The following TANC2 variants were observed in gnomAD, a reference collection of about 807,000 sequenced individuals.
TANC2 encodes protein TANC2.
A neutral mutation model predicts 210.5 loss-of-function variants in TANC2; 26 were observed. The ratio of observed to expected loss-of-function variants is 0.12; its 90% confidence interval spans 0.09 to 0.17. The LOEUF (loss-of-function observed/expected upper bound fraction) is 0.17. Among genes scored for constraint, TANC2 ranks in the 10% least tolerant of loss-of-function variants. The probability of loss-of-function intolerance (pLI) is 1.00; values close to 1 mark genes in which losing one functional copy is unlikely to be tolerated. For synonymous variants in TANC2, 931 were observed against 967.1 expected (o/e 0.96, Z 0.69); for missense variants, 2,129 against 2,608.9 (o/e 0.82, Z 4.01).
intron 5 of TANC2, among the ~76,000 whole-genome samples, chr17:63,170,527 C>A (rs1381412731): frequency 6.6e-6 from 1 of 151,906 alleles, no homozygotes. Context: ...AAGTCCCTGC[C>A]ATTATTTCCT....
At chr17:63,206,210 G>A (rs1220608584) in intron 7 of TANC2, among the ~76,000 whole-genome samples, 3 of 152,196 alleles carry the variant, frequency 2.0e-5, no homozygotes, top group Admixed American at 6.5e-5. Context: ...AACAAGTGTT[G>A]GCAAGGACGT....
chr17:63,335,757 G>A (rs981746317), intron 11 of TANC2, among the ~76,000 whole-genome samples: 1 of 152,004 alleles, frequency 6.6e-6, no homozygotes, highest in Non-Finnish European at 1.5e-5. Context: ...TGGAAAAACT[G>A]TAAAATTTGA....
chr17:63,345,355 C>T (rs193067414), intron 12 of TANC2, among the ~76,000 whole-genome samples: 1 of 152,264 alleles, frequency 6.6e-6, no homozygotes, highest in Admixed American at 6.5e-5. Context: ...TGCAGTGGCT[C>T]ACGCCTGTAA....
At chr17:63,097,429 A>G (rs1202629800) in intron 3 of TANC2, among the ~76,000 whole-genome samples, 3 of 152,050 alleles carry the variant, frequency 2.0e-5, no homozygotes, top group Non-Finnish European at 2.9e-5. Context: ...AAGTAATGGC[A>G]AAAAACTGCA....
At chr17:63,379,919 C>CTGAA in intron 15 of TANC2, 93 bp downstream of exon 15, 1 of 1,106,006 alleles carries the variant, frequency 9.0e-7, no homozygotes, top group African/African-American at 1.6e-5. Flanking sequence ...TCCCTGCCTT[C>CTGAA]TGAAGTTCTT....
Position 63,360,405 on chromosome 17 carries a change from C to T in TANC2, c.2582+5015C>T, listed in dbSNP as rs138341263. 8.7e-4 allele frequency among the ~76,000 whole-genome samples: 132 copies of T among 152,204 alleles called. 1 individual carries two copies. Among genetic ancestry groups the T allele is most frequent in the African/African-American group, 2.6e-3 (107 of 41,502 alleles). Reference sequence around the variant, plus strand: ...AGGGCCTCTTAGAACTAAATCAACCCTTAGGAGGCTTGGAAGAGTTAAAGC... The same window carrying T: ...AGGGCCTCTTAGAACTAAATCAACCTTTAGGAGGCTTGGAAGAGTTAAAGC... On this transcript the variant is annotated intron_variant, in intron 14 of 27. Coordinates refer to ENST00000689528, the Ensembl canonical transcript of TANC2.
chr17:63,061,884 C>T (rs1187342116), intron 2 of TANC2, among the ~76,000 whole-genome samples: 7 of 151,882 alleles, frequency 4.6e-5, no homozygotes, highest in African/African-American at 1.5e-4. Flanking sequence ...TTTGATCTTG[C>T]GTTTCTTCTA....
At chr17:63,117,962 A>G (rs915053743) in intron 4 of TANC2, among the ~76,000 whole-genome samples, 2 of 152,286 alleles carry the variant, frequency 1.3e-5, no homozygotes, top group Non-Finnish European at 2.9e-5. Context: ...ATATGCATAT[A>G]TGAACCTTTT....
At chr17:63,283,229 T>G (rs1220176702) in intron 9 of TANC2, among the ~76,000 whole-genome samples, 1 of 151,980 alleles carries the variant, frequency 6.6e-6, no homozygotes, top group African/African-American at 2.4e-5. Flanking sequence ...GTAAAGACTA[T>G]TCATCTACTG....
intron 15 of TANC2, chr17:63,387,952 A>C (rs1046565577): frequency 6.6e-6 from 1 of 152,080 alleles, no homozygotes; most frequent in African/African-American, 2.4e-5. Context: ...AAACCTGCAA[A>C]ATCTCAATGA....
intron 4 of TANC2, among the ~76,000 whole-genome samples, chr17:63,107,096 T>C (rs2037856059): frequency 6.6e-6 from 1 of 151,586 alleles, no homozygotes; most frequent in African/African-American, 2.4e-5. Flanking sequence ...GTTAGATGAT[T>C]TGCAAGGTTA....
intron 4 of TANC2, among the ~76,000 whole-genome samples, chr17:63,108,876 G>C (rs2037926352): frequency 6.6e-6 from 1 of 150,950 alleles, no homozygotes; most frequent in Non-Finnish European, 1.5e-5. Flanking sequence ...TGGCCATAAA[G>C]AAATCTCTGT....
At chr17:63,066,499 G>T (rs976021678) in intron 2 of TANC2, among the ~76,000 whole-genome samples, 7 of 152,200 alleles carry the variant, frequency 4.6e-5, no homozygotes, top group Non-Finnish European at 7.4e-5. Context: ...GGCACAAAAA[G>T]AGATATCTAC....
exon 25 of TANC2, chr17:63,413,621 A>T (rs752345323): frequency 1.9e-6 from 3 of 1,597,966 alleles, no homozygotes; most frequent in Non-Finnish European, 2.6e-6. Context: ...GAAGAGGGGG[A>T]CATGTTTTAT....
intron 11 of TANC2, among the ~76,000 whole-genome samples, chr17:63,329,021 G>A (rs948750138): frequency 1.8e-4 from 27 of 152,146 alleles, no homozygotes; most frequent in Non-Finnish European, 3.5e-4. Context: ...CTGGCATTTC[G>A]TCTTGTACTT....
At chr17:63,006,333 G>A (rs2033625827) in intron 1 of TANC2, among the ~76,000 whole-genome samples, 1 of 151,026 alleles carries the variant, frequency 6.6e-6, no homozygotes, top group South Asian at 2.1e-4. Flanking sequence ...GCTTGCTTTT[G>A]AAATTTTTGA....
intron 5 of TANC2, among the ~76,000 whole-genome samples, chr17:63,155,527 C>T (rs1350518218): frequency 6.6e-6 from 1 of 152,080 alleles, no homozygotes; most frequent in East Asian, 1.9e-4. Flanking sequence ...ACCTTTGACA[C>T]AGATAATGGT....
chr17:62,975,617 A>G (rs1422774161), intron 1 of TANC2, among the ~76,000 whole-genome samples: 4 of 146,826 alleles, frequency 2.7e-5, no homozygotes, highest in South Asian at 2.1e-4. Context: ...AGACATTCCT[A>G]TATTATAGGA....
At chr17:63,355,654 A>G (rs2046759719) in intron 14 of TANC2, among the ~76,000 whole-genome samples, 1 of 152,300 alleles carries the variant, frequency 6.6e-6, no homozygotes, top group Admixed American at 6.5e-5. Context: ...CACTGACCCC[A>G]CAGGGTTCAC....
Sources: allele counts gnomAD v4.1 joint callset (sites outside exome capture counted in the v4.1 genomes callset), GRCh38; gene constraint gnomAD v4.1.1; transcripts MANE v1.5; gene names NCBI Gene and HGNC (gene_info 2026-07-23, HGNC 2026-07-21).